Variants in CCDC198 observed in about 807,000 individuals in gnomAD.
CCDC198 encodes factor associated with metabolism and energy.
Under a neutral mutation model 35.6 loss-of-function variants are expected in CCDC198, and 18 were observed. The ratio of observed to expected loss-of-function variants is 0.51; its 90% CI spans 0.35 to 0.75. CCDC198 has a LOEUF of 0.75. Ranked by LOEUF, CCDC198 falls within the 30% of genes least tolerant of loss-of-function variation. CCDC198 has a pLI of 0.01. For synonymous variants in CCDC198, 119 were observed against 113.4 expected, an observed-to-expected ratio of 1.05 and a Z score of -0.31; for missense variants, 365 against 343.7, an observed-to-expected ratio of 1.06 and a Z score of -0.49.
intron 2 of CCDC198, among the ~76,000 whole-genome samples, chr14:57,490,706 A>G (rs1032449424): frequency 3.3e-5 from 5 of 152,162 alleles, no homozygotes; most frequent in African/African-American, 4.8e-5. Flanking sequence ...TTGTTTTCCC[A>G]TAGTCACCCA....
intron 3 of CCDC198, among the ~76,000 whole-genome samples, chr14:57,482,349 G>A (rs1446269415): frequency 2.0e-5 from 3 of 152,166 alleles, no homozygotes; most frequent in Admixed American, 6.6e-5. Context: ...GATAGTGACT[G>A]TCAGCTGATG....
intron 5 of CCDC198, among the ~76,000 whole-genome samples, 153 bp from the exon 6 acceptor site, chr14:57,471,743 T>C (rs377318784): frequency 3.1e-5 from 4 of 127,410 alleles, no homozygotes; most frequent in African/African-American, 8.3e-5. Flanking sequence ...TATATATATA[T>C]ACATTTCAAC....
intron 2 of CCDC198, among the ~76,000 whole-genome samples, chr14:57,490,656 G>T (rs1329390907): frequency 1.3e-5 from 2 of 152,080 alleles, no homozygotes; most frequent in Non-Finnish European, 2.9e-5. Flanking sequence ...TTGTAGTAGG[G>T]TGTAATTAAA....
chr14:57,481,191 C>A (rs1406147207), intron 4 of CCDC198, among the ~76,000 whole-genome samples: 1 of 151,996 alleles, frequency 6.6e-6, no homozygotes, highest in Non-Finnish European at 1.5e-5. Flanking sequence ...AATTCTATGG[C>A]AAGAATTATA....
intron 2 of CCDC198, among the ~76,000 whole-genome samples, chr14:57,487,860 G>A (rs1378603979): frequency 6.6e-6 from 1 of 152,190 alleles, no homozygotes; most frequent in Non-Finnish European, 1.5e-5. Flanking sequence ...AATGTGCTGA[G>A]CTTCATTTGT....
intron 5 of CCDC198, chr14:57,478,822 C>A (rs141684571): frequency 6.2e-5 from 70 of 1,121,368 alleles, no homozygotes; most frequent in Non-Finnish European, 7.5e-5. Flanking sequence ...ACTTATTGAT[C>A]GAGCGTCTTG....
chr14:57,475,331 C>A, intron 5 of CCDC198: 1 of 951,698 alleles, frequency 1.1e-6, no homozygotes, highest in Non-Finnish European at 1.3e-6. Flanking sequence ...AAACAAGATT[C>A]TTTATAGAAA....
At chr14:57,489,083 T>C (rs935756907) in intron 2 of CCDC198, among the ~76,000 whole-genome samples, 3 of 152,154 alleles carry the variant, frequency 2.0e-5, no homozygotes, top group African/African-American at 7.2e-5. Context: ...CATATGTTAA[T>C]TGCAGCACTG....
chr14:57,482,141 G>A (rs2067209020), intron 3 of CCDC198, among the ~76,000 whole-genome samples: 1 of 152,120 alleles, frequency 6.6e-6, no homozygotes, highest in Non-Finnish European at 1.5e-5. Flanking sequence ...CATAAGCCTT[G>A]GAGAATATTG....
chr14:57,475,307 A>T lies in CCDC198; in HGVS notation c.656-3717T>A, dbSNP rs1053333996. 7,550 of 820,586 alleles carry T rather than the reference A, an allele frequency of 9.2e-3. 88 individuals carry two copies. The highest frequency in any genetic ancestry group is 0.01 in the Non-Finnish European group (7,136 of 680,040). 50.8% of individuals were successfully genotyped at this position (820,586 alleles called of 1,614,324 possible). A position where few individuals can be genotyped will look rare whatever the true frequency, so the allele number is the denominator to read the frequency against. ...AAATAAATAAATAAATAAAATCTAT[A>T]AAAAAATAAAATAAAACAAGATTCT... On this transcript the variant is annotated intron_variant, in intron 5 of 5. Transcript: ENST00000216445.
intron 5 of CCDC198, chr14:57,478,555 C>A (rs2067077667): frequency 1.0e-6 from 1 of 987,186 alleles, no homozygotes; most frequent in Non-Finnish European, 1.2e-6. Context: ...TTGGTCCCCT[C>A]CAGGTCTGAG....
At chr14:57,486,543 G>A (rs1274511016) in intron 2 of CCDC198, among the ~76,000 whole-genome samples, 3 of 151,892 alleles carry the variant, frequency 2.0e-5, no homozygotes, top group African/African-American at 7.3e-5. Context: ...GGTATGTCCT[G>A]GAAATAAATA....
chr14:57,483,426 C>A, intron 2 of CCDC198: 1 of 359,944 alleles, frequency 2.8e-6, no homozygotes, highest in Admixed American at 4.1e-5. Context: ...CTTCTGTCTG[C>A]ATTAAGGGAC....
intron 2 of CCDC198, among the ~76,000 whole-genome samples, chr14:57,485,693 C>T (rs1357534540): frequency 6.6e-6 from 1 of 152,154 alleles, no homozygotes; most frequent in Non-Finnish European, 1.5e-5. Flanking sequence ...CCCAGCAGTC[C>T]TTTCTGCTGG....
chr14:57,487,146 A>G (rs1187175984), intron 2 of CCDC198, among the ~76,000 whole-genome samples: 1 of 152,188 alleles, frequency 6.6e-6, no homozygotes, highest in African/African-American at 2.4e-5. Context: ...TCACTTCATC[A>G]TCTTCAAAGA....
intron 1 of CCDC198, among the ~76,000 whole-genome samples, chr14:57,492,507 C>G (rs948642816): frequency 2.0e-5 from 3 of 151,892 alleles, no homozygotes; most frequent in Admixed American, 6.6e-5. Context: ...ATCACCTATC[C>G]CTCTATCTAT....
At chr14:57,476,064 A>G (rs550817932) in intron 5 of CCDC198, among the ~76,000 whole-genome samples, 2 of 151,984 alleles carry the variant, frequency 1.3e-5, no homozygotes, top group South Asian at 4.2e-4. Context: ...CAGCCTCCCA[A>G]AGTGCTGGGA....
At chr14:57,476,690 A>G (rs2067009051) in intron 5 of CCDC198, among the ~76,000 whole-genome samples, 1 of 152,208 alleles carries the variant, frequency 6.6e-6, no homozygotes, top group Admixed American at 6.5e-5. Context: ...CACAACCCTC[A>G]TTTCACCTTT....
chr14:57,490,956 A>T, intron 2 of CCDC198, 33 bp downstream of exon 2: 8 of 1,499,866 alleles, frequency 5.3e-6, no homozygotes, highest in Non-Finnish European at 7.4e-6. Flanking sequence ...TTATCCAAGA[A>T]ATTCCTTATG....
Sources: allele counts gnomAD v4.1 joint callset (sites outside exome capture counted in the v4.1 genomes callset), GRCh38; gene constraint gnomAD v4.1.1; transcripts MANE v1.5; gene names NCBI Gene and HGNC (gene_info 2026-07-23, HGNC 2026-07-21).